NRG1: variants seen among roughly 807,000 people sequenced by gnomAD.
The protein encoded by NRG1 is pro-neuregulin-1, membrane-bound isoform.
In NRG1, 18 loss-of-function variants were observed where a neutral mutation model predicts 63.8. The observed-to-expected ratio is 0.28, with a 90% CI of 0.19 to 0.42. NRG1 has a LOEUF of 0.42. NRG1 is among the 10% of genes least tolerant of loss of function. The pLI, the probability that NRG1 is intolerant of heterozygous loss-of-function variation, is 1.00. For synonymous variants in NRG1, 302 were observed against 301.3 expected, an observed-to-expected ratio of 1.00 and a Z score of -0.02; for missense variants, 762 against 814.7, an observed-to-expected ratio of 0.94 and a Z score of 0.79.
intron 5 of NRG1, chr8:32,646,844 T>C: frequency 1.0e-6 from 1 of 983,528 alleles, no homozygotes; most frequent in South Asian, 4.7e-5. Flanking sequence ...CTGATTTTAC[T>C]CAGACCAGCC....
chr8:32,135,890 A>G (rs1253800283), intron 1 of NRG1, among the ~76,000 whole-genome samples: 1 of 152,164 alleles, frequency 6.6e-6, no homozygotes, highest in Non-Finnish European at 1.5e-5. Context: ...CATAAAAAAG[A>G]AATCAAAAGA....
intron 1 of NRG1, among the ~76,000 whole-genome samples, chr8:32,381,307 G>A (rs1429048263): frequency 2.6e-5 from 4 of 152,084 alleles, no homozygotes; most frequent in Admixed American, 2.6e-4. Flanking sequence ...ACTCTGAAAA[G>A]CCTTAGCCAA....
At chr8:32,601,068 T>G (rs1030137799) in intron 2 of NRG1, among the ~76,000 whole-genome samples, 6 of 152,166 alleles carry the variant, frequency 3.9e-5, no homozygotes, top group Admixed American at 3.3e-4. Context: ...TCTTACTACA[T>G]TCTGTCCTTA....
chr8:31,849,013 C>A (rs1224662189), intron 1 of NRG1, among the ~76,000 whole-genome samples: 2 of 152,174 alleles, frequency 1.3e-5, no homozygotes, highest in Non-Finnish European at 2.9e-5. Flanking sequence ...TTGGGGATTG[C>A]AGCTTTAATA....
At chr8:32,230,239 G>A (rs1415448791) in intron 1 of NRG1, among the ~76,000 whole-genome samples, 2 of 152,184 alleles carry the variant, frequency 1.3e-5, no homozygotes, top group East Asian at 1.9e-4. Context: ...ATCAAAGTGT[G>A]CTAAGGTCAG....
At chr8:32,399,016 G>A (rs1328159700) in intron 1 of NRG1, among the ~76,000 whole-genome samples, 1 of 152,064 alleles carries the variant, frequency 6.6e-6, no homozygotes, top group Admixed American at 6.5e-5. Context: ...TTGTACGAAT[G>A]TACAAAAATA....
chr8:32,617,269 T>C (rs1177549606), intron 5 of NRG1, among the ~76,000 whole-genome samples: 1 of 152,230 alleles, frequency 6.6e-6, no homozygotes, highest in Non-Finnish European at 1.5e-5. Flanking sequence ...CCCAGCTGTT[T>C]GGAGCTTCCG....
intron 1 of NRG1, among the ~76,000 whole-genome samples, chr8:32,388,227 A>G (rs1190202443): frequency 6.6e-6 from 1 of 152,198 alleles, no homozygotes; most frequent in Non-Finnish European, 1.5e-5. Flanking sequence ...TGTGAACTTT[A>G]CATAGGTAAG....
Position 32,764,369 on chromosome 8 carries a change from T to G in NRG1, c.1881T>G (p.Ser627Arg), listed in dbSNP as rs774033989. The G allele has an allele frequency of 2.5e-6, 4 of 1,607,708 alleles. No homozygotes were observed. The South Asian group carries it at 4.4e-5, about 18-fold the overall frequency. Reference sequence around the variant, plus strand: ...AAGAAATCCAGGCCAGGCTGTCTAGTGTAATTGCTAACCAAGACCCTATTG... The same window carrying G: ...AAGAAATCCAGGCCAGGCTGTCTAGGGTAATTGCTAACCAAGACCCTATTG... Residue 627 changes from serine to arginine, a missense_variant, in exon 12 of 12, where the codon AGT (serine) becomes AGG (arginine). By Grantham distance (110) the Ser-to-Arg change is moderately radical (BLOSUM62 -1). Coordinates refer to ENST00000356819, the Ensembl canonical transcript of NRG1.
downstream of NRG1, among the ~76,000 whole-genome samples, chr8:32,771,245 G>A: frequency 6.7e-6 from 1 of 149,728 alleles, no homozygotes; most frequent in African/African-American, 2.5e-5. Context: ...CAAGTAGCTG[G>A]GACTACAGGT....
At chr8:32,391,989 A>C (rs1811832674) in intron 1 of NRG1, among the ~76,000 whole-genome samples, 1 of 152,200 alleles carries the variant, frequency 6.6e-6, no homozygotes, top group Non-Finnish European at 1.5e-5. Flanking sequence ...AACTTTTGAA[A>C]AATGGCCACA....
chr8:31,982,885 ATGTGG>A (rs1809398980), intron 1 of NRG1, among the ~76,000 whole-genome samples: 1 of 152,094 alleles, frequency 6.6e-6, no homozygotes, highest in African/African-American at 2.4e-5. Flanking sequence ...GGGCATGGCA[ATGTGG>A]AAATTTATTC....
At chr8:32,284,485 G>GCCTTCCTTCCTTCCTT (rs1420268466) in intron 1 of NRG1, among the ~76,000 whole-genome samples, 7 of 116,046 alleles carry the variant, frequency 6.0e-5, no homozygotes, top group Non-Finnish European at 1.1e-4. Context: ...CTCCCTGCCT[G>GCCTTCCTTCCTTCCTT]CCTGCCTTCC....
At chr8:32,513,931 T>C (rs1460639110) in intron 1 of NRG1, among the ~76,000 whole-genome samples, 1 of 152,174 alleles carries the variant, frequency 6.6e-6, no homozygotes, top group African/African-American at 2.4e-5. Context: ...AACTAGTGGG[T>C]AAAATGCTGT....
At chr8:32,148,370 G>C (rs1837136511) in intron 1 of NRG1, among the ~76,000 whole-genome samples, 1 of 152,152 alleles carries the variant, frequency 6.6e-6, no homozygotes, top group African/African-American at 2.4e-5. Flanking sequence ...CCATATATCA[G>C]ACTCTTGCCA....
intron 1 of NRG1, among the ~76,000 whole-genome samples, chr8:32,560,990 A>G (rs1294905713): frequency 6.6e-6 from 1 of 152,204 alleles, no homozygotes; most frequent in East Asian, 1.9e-4. Context: ...TCTTAAATAT[A>G]ACTACAGTAG....
intron 1 of NRG1, among the ~76,000 whole-genome samples, chr8:32,286,747 C>G (rs1342030761): frequency 6.6e-6 from 1 of 152,162 alleles, no homozygotes; most frequent in African/African-American, 2.4e-5. Context: ...GCCTGTAATC[C>G]TAACACTTAG....
intron 5 of NRG1, among the ~76,000 whole-genome samples, chr8:32,672,793 ATTG>A (rs1421940368): frequency 6.6e-6 from 1 of 152,060 alleles, no homozygotes. Flanking sequence ...AATAATGGCC[ATTG>A]TTGTTGTTAT....
At chr8:31,744,959 A>T (rs1234804894) in intron 1 of NRG1, among the ~76,000 whole-genome samples, 1 of 151,962 alleles carries the variant, frequency 6.6e-6, no homozygotes, top group Non-Finnish European at 1.5e-5. Context: ...ACCTTAAACA[A>T]TCTATTCTCT....
Sources: allele counts gnomAD v4.1 joint callset (sites outside exome capture counted in the v4.1 genomes callset), GRCh38; gene constraint gnomAD v4.1.1; transcripts MANE v1.5; gene names NCBI Gene and HGNC (gene_info 2026-07-23, HGNC 2026-07-21).